SMYD3: variants seen among roughly 807,000 people sequenced by gnomAD.
The protein encoded by SMYD3 is SET and MYND domain containing 3.
SMYD3 carries 36 observed loss-of-function variants against 57.7 expected under a neutral mutation model. The observed-to-expected ratio is 0.62, with a 90% CI of 0.48 to 0.82. SMYD3 has a LOEUF of 0.82. Ranked by LOEUF, SMYD3 falls within the 40% of genes least tolerant of loss-of-function variation. The probability of loss-of-function intolerance (pLI) is 0.00; values close to 1 mark genes in which losing one functional copy is unlikely to be tolerated. For missense variants in SMYD3, 515 were observed against 538.8 expected (o/e 0.96, Z 0.44); for synonymous variants, 211 against 195.0 (o/e 1.08, Z -0.68).
chr1:246,479,358 A>G (rs2068073295), intron 1 of SMYD3, among the ~76,000 whole-genome samples: 1 of 152,214 alleles, frequency 6.6e-6, no homozygotes, highest in South Asian at 2.1e-4. Flanking sequence ...CTGCCAAATG[A>G]GTATAAAAAT....
chr1:246,147,075 C>T (rs913551994), intron 5 of SMYD3, among the ~76,000 whole-genome samples: 1 of 152,160 alleles, frequency 6.6e-6, no homozygotes, highest in African/African-American at 2.4e-5. Flanking sequence ...CGGAAGCACC[C>T]GGAGTATTTA....
chr1:245,993,871 C>A (rs146470109), intron 5 of SMYD3, among the ~76,000 whole-genome samples: 2 of 152,298 alleles, frequency 1.3e-5, no homozygotes, highest in East Asian at 3.9e-4. Context: ...CTGAACTATA[C>A]ACTTAAATGA....
rs1348101543 is a variant in SMYD3 at position 246,163,935 on chromosome 1, C to T, written c.531+163266G>A. Among the ~76,000 whole-genome samples, 3 of 152,124 alleles carry T rather than the reference C, an allele frequency of 2.0e-5. No homozygotes were observed. In the East Asian group the frequency reaches 5.8e-4, roughly 29 times the overall value. On this transcript the variant is annotated intron_variant, in intron 5 of 11. Transcript: ENST00000490107. ...AGTCAGAATCTCCAAGAATGGAAGA[C>T]CTAATGCTCGGAGATCTGCAGACAT...
In SMYD3 at chr1:246,398,397, C is replaced by A. The variant is rs748317059; in HGVS notation, c.165-43303G>T. Among the ~76,000 whole-genome samples, 45 of 152,228 alleles carry A rather than the reference C, an allele frequency of 3.0e-4. 1 individual carries two copies. Among genetic ancestry groups the A allele is most frequent in the Non-Finnish European group, 1.8e-4 (12 of 68,036 alleles). ...ACAGCCCGCCTGTGAGCTTAGAAGG[C>A]GGAGTCAGCCATGCTGGACTTCTCT... On this transcript the variant is annotated intron_variant, in intron 1 of 11. Coordinates refer to ENST00000490107, the MANE Select transcript of SMYD3 (RefSeq NM_001167740.2).
intron 8 of SMYD3, among the ~76,000 whole-genome samples, chr1:245,874,135 C>A (rs547433514): frequency 6.6e-6 from 1 of 152,136 alleles, no homozygotes; most frequent in African/African-American, 2.4e-5. Flanking sequence ...ACTGAGTTTT[C>A]TCAAGTATAA....
chr1:246,223,163 G>C (rs530874268), intron 5 of SMYD3, among the ~76,000 whole-genome samples: 23 of 152,234 alleles, frequency 1.5e-4, no homozygotes, highest in African/African-American at 5.5e-4. Flanking sequence ...CCTCAGGAAA[G>C]AGAGTCTCCT....
chr1:245,875,550 C>T (rs2052440030), intron 8 of SMYD3, among the ~76,000 whole-genome samples: 1 of 152,192 alleles, frequency 6.6e-6, no homozygotes, highest in Non-Finnish European at 1.5e-5. Flanking sequence ...TAGGTATCAT[C>T]TTTATATTGA....
chr1:246,191,780 T>C (rs986284476), intron 5 of SMYD3, among the ~76,000 whole-genome samples: 3 of 152,226 alleles, frequency 2.0e-5, no homozygotes, highest in Non-Finnish European at 4.4e-5. Context: ...AAGATCTCAC[T>C]GGATTCTCGA....
chr1:246,009,061 G>T (rs1184608050), intron 5 of SMYD3, among the ~76,000 whole-genome samples: 1 of 152,122 alleles, frequency 6.6e-6, no homozygotes. Flanking sequence ...GCTATGAAAC[G>T]ACTGGCCCAT....
intron 7 of SMYD3, among the ~76,000 whole-genome samples, chr1:245,919,106 A>G (rs1251408668): frequency 6.6e-6 from 1 of 152,150 alleles, no homozygotes; most frequent in East Asian, 1.9e-4. Flanking sequence ...GGACTACGCA[A>G]TGGCTTTCTA....
At chr1:246,236,880 G>T (rs1436774156) in intron 5 of SMYD3, among the ~76,000 whole-genome samples, 2 of 152,138 alleles carry the variant, frequency 1.3e-5, no homozygotes, top group Non-Finnish European at 2.9e-5. Context: ...TTCTGAAAAT[G>T]CACAAAGACT....
chr1:245,820,613 T>C (rs1376409893), intron 10 of SMYD3, among the ~76,000 whole-genome samples: 3 of 152,194 alleles, frequency 2.0e-5, no homozygotes, highest in Non-Finnish European at 4.4e-5. Flanking sequence ...TTGTCCCTGT[T>C]TGCAGACGAC....
At chr1:246,186,694 T>C (rs1040624459) in intron 5 of SMYD3, 1 of 952,822 alleles carries the variant, frequency 1.0e-6, no homozygotes, top group African/African-American at 1.8e-5. Flanking sequence ...AGTCTGGCAC[T>C]GTCAATGTCC....
intron 5 of SMYD3, among the ~76,000 whole-genome samples, chr1:246,169,182 A>T (rs545135750): frequency 6.6e-6 from 1 of 152,214 alleles, no homozygotes. Context: ...ATAGCAATCC[A>T]GGCAGTCTGC....
intron 5 of SMYD3, among the ~76,000 whole-genome samples, chr1:246,161,369 C>T (rs1359793498): frequency 1.3e-5 from 2 of 152,224 alleles, no homozygotes; most frequent in African/African-American, 4.8e-5. Flanking sequence ...TCCATCTTTA[C>T]ACAGGCTGTT....
chr1:245,974,495 C>T (rs2058379524), intron 5 of SMYD3, among the ~76,000 whole-genome samples: 1 of 150,684 alleles, frequency 6.6e-6, no homozygotes, highest in African/African-American at 2.4e-5. Context: ...CAGGGAAAGC[C>T]ATCGTCTCCG....
At chr1:245,993,619 T>G (rs554132615) in intron 5 of SMYD3, among the ~76,000 whole-genome samples, 2 of 82,442 alleles carry the variant, frequency 2.4e-5, no homozygotes, top group African/African-American at 3.6e-5. Context: ...GATAGATAGA[T>G]AGATAGATAG....
chr1:246,025,280 T>A (rs546369902), intron 5 of SMYD3, among the ~76,000 whole-genome samples: 1 of 151,460 alleles, frequency 6.6e-6, no homozygotes, highest in South Asian at 2.1e-4. Context: ...ATACAGCAAG[T>A]GGACAGCATC....
chr1:246,283,759 G>C (rs1265078479), intron 5 of SMYD3, among the ~76,000 whole-genome samples: 2 of 152,138 alleles, frequency 1.3e-5, no homozygotes, highest in African/African-American at 4.8e-5. Flanking sequence ...AAATCGACCA[G>C]GATCTGCTTG....
Sources: gnomAD v4.1 joint callset for allele counts (sites outside exome capture counted in the v4.1 genomes callset) on GRCh38, gnomAD v4.1.1 for gene constraint, MANE v1.5 for transcripts, NCBI Gene and HGNC (gene_info 2026-07-23, HGNC 2026-07-21) for gene names.